GABBR2: variants seen among roughly 807,000 people sequenced by gnomAD.
GABBR2 encodes the protein G-protein coupled receptor 51.
A neutral mutation model predicts 105.6 loss-of-function variants in GABBR2; 23 were observed. That is an observed-to-expected ratio of 0.22 (90% CI 0.16 to 0.31). The LOEUF (loss-of-function observed/expected upper bound fraction) is 0.31. Among genes scored for constraint, GABBR2 ranks in the 10% least tolerant of loss-of-function variants. The pLI, the probability that GABBR2 is intolerant of heterozygous loss-of-function variation, is 1.00. For synonymous variants in GABBR2, 478 were observed against 499.7 expected (o/e 0.96, Z 0.58); for missense variants, 734 against 1,245.5 (o/e 0.59, Z 6.18).
intron 1 of GABBR2, among the ~76,000 whole-genome samples, chr9:98,615,947 C>T (rs1324358325): frequency 1.3e-5 from 2 of 152,178 alleles, no homozygotes; most frequent in Admixed American, 1.3e-4. Flanking sequence ...GCCTCAACTG[C>T]TTAGTGCTAA....
At chr9:98,601,854 T>G (rs532571765) in intron 1 of GABBR2, among the ~76,000 whole-genome samples, 2 of 152,204 alleles carry the variant, frequency 1.3e-5, no homozygotes, top group Non-Finnish European at 2.9e-5. Context: ...AGCCTGGAGA[T>G]GCAAGTGTGG....
At chr9:98,316,984 G>A (rs951457423) in intron 13 of GABBR2, among the ~76,000 whole-genome samples, 17 of 152,236 alleles carry the variant, frequency 1.1e-4, no homozygotes, top group Non-Finnish European at 1.5e-4. Flanking sequence ...CTCCTCTCAC[G>A]TGCATCATTG....
At chr9:98,449,925 G>C (rs928028852) in intron 7 of GABBR2, among the ~76,000 whole-genome samples, 1 of 152,154 alleles carries the variant, frequency 6.6e-6, no homozygotes, top group Non-Finnish European at 1.5e-5. Context: ...TCCCTGAGGA[G>C]AGTCACTGGG....
At chr9:98,335,387 A>C (rs539955930) in intron 13 of GABBR2, among the ~76,000 whole-genome samples, 3 of 152,212 alleles carry the variant, frequency 2.0e-5, no homozygotes, top group Non-Finnish European at 4.4e-5. Context: ...AGTCGTAAAA[A>C]TTTATTGTCC....
intron 1 of GABBR2, among the ~76,000 whole-genome samples, chr9:98,633,479 G>C (rs544467736): frequency 6.6e-6 from 1 of 152,020 alleles, no homozygotes; most frequent in Admixed American, 6.6e-5. Flanking sequence ...AAAAAAAATA[G>C]CTGGGCATGG....
chr9:98,650,888 T>C, intron 1 of GABBR2, among the ~76,000 whole-genome samples: 1 of 152,032 alleles, frequency 6.6e-6, no homozygotes, highest in East Asian at 1.9e-4. Context: ...GGACAGGAAG[T>C]AGAATGGTGG....
chr9:98,624,865 C>A (rs1476113897), intron 1 of GABBR2, among the ~76,000 whole-genome samples: 1 of 152,188 alleles, frequency 6.6e-6, no homozygotes, highest in Admixed American at 6.5e-5. Context: ...GGACCTTGAG[C>A]AAAGGCTTTT....
intron 13 of GABBR2, among the ~76,000 whole-genome samples, chr9:98,329,054 C>T (rs908573623): frequency 3.9e-5 from 6 of 152,164 alleles, no homozygotes; most frequent in Non-Finnish European, 5.9e-5. Context: ...TGTATAAAGC[C>T]CCTAGACCAG....
At chr9:98,418,316 T>A (rs1378243420) in intron 7 of GABBR2, among the ~76,000 whole-genome samples, 1 of 151,948 alleles carries the variant, frequency 6.6e-6, no homozygotes, top group Non-Finnish European at 1.5e-5. Context: ...AGTGGGAGAT[T>A]GCTTGAGCCT....
chr9:98,511,622 T>C (rs1588204665), intron 3 of GABBR2, among the ~76,000 whole-genome samples: 1 of 152,092 alleles, frequency 6.6e-6, no homozygotes, highest in South Asian at 2.1e-4. Context: ...GAGAATACTA[T>C]AAACACCTCT....
At chr9:98,415,461 G>A (rs764788288) in intron 7 of GABBR2, among the ~76,000 whole-genome samples, 1 of 152,042 alleles carries the variant, frequency 6.6e-6, no homozygotes, top group South Asian at 2.1e-4. Flanking sequence ...TCTCAAAGTC[G>A]AATAACAAAG....
At chr9:98,514,952 C>T (rs995982451) in intron 3 of GABBR2, among the ~76,000 whole-genome samples, 22 of 152,080 alleles carry the variant, frequency 1.4e-4, no homozygotes, top group African/African-American at 5.1e-4. Flanking sequence ...GCCACCAAAC[C>T]CAGGGGACTG....
At chr9:98,380,675 C>T (rs1261237535) in intron 11 of GABBR2, among the ~76,000 whole-genome samples, 5 of 152,200 alleles carry the variant, frequency 3.3e-5, no homozygotes, top group Admixed American at 6.5e-5. Flanking sequence ...TTGGAGAAAC[C>T]GGCACTGACA....
rs574831972 is a variant in GABBR2 at position 98,471,473 on chromosome 9, A to C, written c.999+1673T>G. On this transcript the variant is annotated intron_variant, in intron 6 of 18. Transcript: ENST00000259455. ...ACAAATGCCAAAACATTTCCTCCCA[A>C]ATACACTACAAAAAATGATCTTCCT... 3.9e-5 allele frequency among the ~76,000 whole-genome samples: 6 copies of C among 152,344 alleles called. No individual in the cohort carries two copies. In the South Asian group the frequency reaches 1.2e-3, roughly 32 times the overall value.
chr9:98,416,580 G>A (rs1396535223), intron 7 of GABBR2, among the ~76,000 whole-genome samples: 13 of 152,226 alleles, frequency 8.5e-5, no homozygotes. Context: ...CCTGCCTCTA[G>A]CTTCTTTCTG....
At chr9:98,704,329 G>T (rs1830868019) in intron 1 of GABBR2, among the ~76,000 whole-genome samples, 2 of 152,186 alleles carry the variant, frequency 1.3e-5, no homozygotes, top group Admixed American at 1.3e-4. Flanking sequence ...TGGCATCAGG[G>T]TGGTCTTTCT....
chr9:98,475,732 T>C (rs1826777916), intron 5 of GABBR2, among the ~76,000 whole-genome samples: 1 of 152,178 alleles, frequency 6.6e-6, no homozygotes, highest in Non-Finnish European at 1.5e-5. Context: ...CTTATAAGGT[T>C]GTGGCAAGGA....
intron 2 of GABBR2, among the ~76,000 whole-genome samples, chr9:98,575,748 G>A (rs1307309143): frequency 6.6e-6 from 1 of 152,222 alleles, no homozygotes; most frequent in Non-Finnish European, 1.5e-5. Flanking sequence ...TTTCAGGTGT[G>A]TGGTTAGGTT....
intron 1 of GABBR2, among the ~76,000 whole-genome samples, chr9:98,627,529 C>G (rs1486583086): frequency 6.6e-6 from 1 of 152,242 alleles, no homozygotes; most frequent in Non-Finnish European, 1.5e-5. Context: ...GCTGTCCCCA[C>G]TCGGGTCTGT....
Sources: gnomAD v4.1 joint callset for allele counts (sites outside exome capture counted in the v4.1 genomes callset) on GRCh38, gnomAD v4.1.1 for gene constraint, MANE v1.5 for transcripts, NCBI Gene and HGNC (gene_info 2026-07-23, HGNC 2026-07-21) for gene names.